The following CRELD1 variants were observed in gnomAD, a reference collection of about 807,000 sequenced individuals.
CRELD1 encodes the protein protein disulfide isomerase CRELD1.
A neutral mutation model predicts 58.2 loss-of-function variants in CRELD1; 42 were observed. The ratio of observed to expected loss-of-function variants is 0.72; its 90% confidence interval spans 0.56 to 0.93. The LOEUF is 0.93. Among genes scored for constraint, CRELD1 ranks in the 40% least tolerant of loss-of-function variants. The pLI is 0.00. For synonymous variants in CRELD1, 222 were observed against 202.0 expected, an observed-to-expected ratio of 1.10 and a Z score of -0.84; for missense variants, 500 against 540.6, an observed-to-expected ratio of 0.92 and a Z score of 0.74.
chr3:9,936,537 G>A (rs2085199980), intron 3 of CRELD1, among the ~76,000 whole-genome samples: 1 of 137,822 alleles, frequency 7.3e-6, no homozygotes, highest in African/African-American at 3.1e-5. Context: ...ATATATATGT[G>A]CGTATATATA....
chr3:9,934,126 C>G (rs551316926), intron 1 of CRELD1: 1 of 452,152 alleles, frequency 2.2e-6, no homozygotes, highest in Non-Finnish European at 4.0e-6. Flanking sequence ...GGATCCGGCC[C>G]CTAATATTCT....
At chr3:9,940,823 C>T (rs778998018) in intron 5 of CRELD1, 27 bp from the exon 6 acceptor site, 4 of 1,588,000 alleles carry the variant, frequency 2.5e-6, no homozygotes, top group South Asian at 2.2e-5. Context: ...TATAGATGAC[C>T]TCACCTGGTT....
At chr3:9,943,663 T>G in intron 10 of CRELD1, 148 bp downstream of exon 10, 33 of 1,560,642 alleles carry the variant, frequency 2.1e-5, no homozygotes, top group Non-Finnish European at 2.6e-5. Context: ...GGGCTCTACA[T>G]CTGATCTCCA....
At chr3:9,934,810 G>C in intron 2 of CRELD1, 25 bp from the exon 3 acceptor site, 1 of 1,600,292 alleles carries the variant, frequency 6.2e-7, no homozygotes, top group African/African-American at 1.3e-5. Context: ...ACTGTACTTA[G>C]CTATTACTAA....
chr3:9,943,781 G>A, intron 10 of CRELD1: 1 of 1,607,318 alleles, frequency 6.2e-7, no homozygotes, highest in Non-Finnish European at 8.5e-7. Context: ...AATGGGACCA[G>A]TGTTTGCCCT....
rs1026702123 is a variant in CRELD1 at position 9,934,425 on chromosome 3, C to G, written c.-14C>G. 1 of 1,613,310 alleles carries G rather than the reference C, an allele frequency of 6.2e-7. No individual in the cohort carries two copies. Among genetic ancestry groups the G allele is most frequent in the African/African-American group, 1.3e-5 (1 of 75,024 alleles). On this transcript the variant is annotated 5_prime_UTR_variant, in exon 2 of 11. Coordinates refer to ENST00000452070, the MANE Select transcript of CRELD1 (RefSeq NM_001077415.3). ...TCCACGCCCTCTATCTGCAGGTCCC[C>G]AGCCTGGGTAAAGATGGCCCCATGG...
intron 7 of CRELD1, among the ~76,000 whole-genome samples, chr3:9,942,289 T>G (rs1303733571): frequency 1.1e-4 from 17 of 150,536 alleles, no homozygotes; most frequent in African/African-American, 4.2e-4. Flanking sequence ...AAAAAAAGAA[T>G]CTAGAGGGTA....
rs889708211 is a variant in CRELD1 at position 9,935,136 on chromosome 3, A to C, written c.257+219A>C. On this transcript the variant is annotated intron_variant, in intron 3 of 10. Transcript: ENST00000452070. ...AGTGAATGAGTAAGTGAATAATATT[A>C]TGTCAGATGAAGAACAAACAGTGAA... 2.2e-5 allele frequency: 12 copies of C among 534,344 alleles called. No homozygotes were observed. In the East Asian group the frequency reaches 3.2e-4, roughly 14 times the overall value. The allele number at this position is 534,344 out of a possible 1,614,324, so 33.1% of individuals were successfully genotyped here. A position where few individuals can be genotyped will look rare whatever the true frequency, so the allele number is the denominator to read the frequency against.
At chr3:9,938,777 A>G (rs981586164) in intron 5 of CRELD1, among the ~76,000 whole-genome samples, 1 of 151,980 alleles carries the variant, frequency 6.6e-6, no homozygotes, top group African/African-American at 2.4e-5. Context: ...GAAGAATGGC[A>G]TGAACCCGGC....
Position 9,944,547 on chromosome 3 carries a change from C to G in CRELD1, c.1231C>G (p.Arg411Gly). 6.2e-7 allele frequency: 1 copy of G among 1,610,440 alleles called. No individual in the cohort carries two copies. The highest frequency in any genetic ancestry group is 8.5e-7 in the Non-Finnish European group (1 of 1,179,934). The change falls in exon 11 of 11, where the codon CGT becomes GGT. Residue 411 changes from arginine to glycine, a missense_variant. Arg to Gly is a moderately radical substitution (Grantham distance 125, BLOSUM62 -2). Coordinates refer to ENST00000452070, the MANE Select transcript of CRELD1 (RefSeq NM_001077415.3). The stretch of plus-strand genomic sequence containing the variant: ...CTACTGGTTGTCAGAGCGCAGTGAC[C>G]GTGTGCTGGAGGGCTTCATCAAGGG... ...TGYWLSERSDRVLEGFIKGR is the reference protein window; with the variant it reads ...TGYWLSERSDGVLEGFIKGR
At chr3:9,940,397 A>G (rs918237773) in intron 5 of CRELD1, among the ~76,000 whole-genome samples, 3 of 152,086 alleles carry the variant, frequency 2.0e-5, no homozygotes, top group Non-Finnish European at 4.4e-5. Flanking sequence ...TGAGTGAACG[A>G]GACTCCGTCT....
intron 5 of CRELD1, among the ~76,000 whole-genome samples, chr3:9,940,567 T>C (rs1333928818): frequency 1.3e-3 from 192 of 150,550 alleles, no homozygotes; most frequent in African/African-American, 4.0e-3. Context: ...ACTCGGCAGG[T>C]TGAGGCAGGA....
intron 5 of CRELD1, among the ~76,000 whole-genome samples, chr3:9,940,555 G>A (rs2085332504): frequency 6.6e-6 from 1 of 151,882 alleles, no homozygotes; most frequent in Admixed American, 6.6e-5. Context: ...GCAATCGCAG[G>A]CACTCGGCAG....
chr3:9,944,286 G>A (rs2085459179), intron 10 of CRELD1, 79 bp from the exon 11 acceptor site: 6 of 1,270,738 alleles, frequency 4.7e-6, no homozygotes, highest in East Asian at 2.3e-5. Context: ...GATCAGGTGT[G>A]TGGGAGTTCT....
At chr3:9,943,053 C>G (rs199785910) in intron 8 of CRELD1, 24 bp from the exon 9 acceptor site, 2 of 1,609,010 alleles carry the variant, frequency 1.2e-6, no homozygotes, top group African/African-American at 2.7e-5. Context: ...ACATCTCACC[C>G]TCATCTTTCT....
rs2085356068 is a variant in CRELD1 at position 9,941,163 on chromosome 3, G to A, written c.690G>A (p.Leu230=). 6.2e-7 allele frequency: 1 copy of A among 1,614,180 alleles called. No individual in the cohort carries two copies. The highest frequency in any genetic ancestry group is 8.5e-7 in the Non-Finnish European group (1 of 1,180,026). The stretch of plus-strand genomic sequence containing the variant: ...CAGGACCTGAGGAATCAAACTGTTT[G>A]CAATGCAAGAAGGGCTGGGCCCTGC... ...RCSGPEESNC[L]QCKKGWALHH... The change falls in exon 7 of 11, where the codon TTG becomes TTA. Residue 230 remains leucine, a synonymous_variant. Coordinates refer to ENST00000452070, the MANE Select transcript of CRELD1 (RefSeq NM_001077415.3).
intron 9 of CRELD1, 99 bp from the exon 10 acceptor site, chr3:9,943,282 T>C (rs1377631011): frequency 6.2e-7 from 1 of 1,602,658 alleles, no homozygotes; most frequent in Non-Finnish European, 8.5e-7. Flanking sequence ...GAATGTTGCC[T>C]GGGCAAGGGC....
At chr3:9,935,039 A>G (rs762368136) in intron 3 of CRELD1, 122 bp downstream of exon 3, 20 of 809,890 alleles carry the variant, frequency 2.5e-5, no homozygotes, top group African/African-American at 5.2e-5. Flanking sequence ...CTGAACATCT[A>G]TAGTATAGCA....
In CRELD1 at chr3:9,944,350, C is replaced by G. The variant is rs747844600; in HGVS notation, c.1049-15C>G. 2 of 1,610,120 alleles carry G rather than the reference C, an allele frequency of 1.2e-6. No individual in the cohort carries two copies. The highest frequency in any genetic ancestry group is 2.2e-5 in the South Asian group (2 of 90,986). Reference sequence around the variant, plus strand: ...GGGATACGAGTGCCAGGCTGCATCTCTTGCTCCTCTGCAGAGTCAGCAGGC... The same window carrying G: ...GGGATACGAGTGCCAGGCTGCATCTGTTGCTCCTCTGCAGAGTCAGCAGGC... On this transcript the variant is annotated splice_polypyrimidine_tract_variant and intron_variant, in intron 10 of 10. Coordinates refer to ENST00000452070, the MANE Select transcript of CRELD1 (RefSeq NM_001077415.3).
Sources: allele counts gnomAD v4.1 joint callset (sites outside exome capture counted in the v4.1 genomes callset), GRCh38; gene constraint gnomAD v4.1.1; transcripts MANE v1.5; gene names NCBI Gene and HGNC (gene_info 2026-07-23, HGNC 2026-07-21).